Variants in SMG6 observed in about 807,000 individuals in gnomAD.
SMG6 encodes the protein telomerase-binding protein EST1A.
A neutral mutation model predicts 142.2 loss-of-function variants in SMG6; 66 were observed. That is an observed-to-expected ratio of 0.46 (90% CI 0.38 to 0.57). The LOEUF (loss-of-function observed/expected upper bound fraction) is 0.57, where lower values mean the gene tolerates loss of function less well. Ranked by LOEUF, SMG6 falls within the 20% of genes least tolerant of loss-of-function variation. The probability of loss-of-function intolerance (pLI) is 0.00; values close to 1 mark genes in which losing one functional copy is unlikely to be tolerated. For synonymous variants in SMG6, 779 were observed against 702.4 expected (o/e 1.11, Z -1.72); for missense variants, 1,793 against 1,832.0 (o/e 0.98, Z 0.39).
chr17:2,116,083 ATTTT>A (rs34538925), intron 13 of SMG6, among the ~76,000 whole-genome samples: 1 of 151,996 alleles, frequency 6.6e-6, no homozygotes, highest in Non-Finnish European at 1.5e-5. Context: ...TCATTTATTT[ATTTT>A]TGAGACAGGA....
chr17:2,093,579 G>T (rs2068781095), intron 13 of SMG6, among the ~76,000 whole-genome samples: 1 of 152,124 alleles, frequency 6.6e-6, no homozygotes, highest in Admixed American at 6.5e-5. Context: ...TGGCTGAGCT[G>T]TTTGGAAGCC....
intron 13 of SMG6, among the ~76,000 whole-genome samples, chr17:2,140,366 AT>A: frequency 6.6e-6 from 1 of 152,250 alleles, no homozygotes; most frequent in East Asian, 1.9e-4. Flanking sequence ...CTGACACTTT[AT>A]TTTTTTAAAT....
chr17:2,260,233 A>C (rs1377703849), intron 8 of SMG6, among the ~76,000 whole-genome samples: 1 of 152,240 alleles, frequency 6.6e-6, no homozygotes, highest in Admixed American at 6.5e-5. Context: ...ACTAAAAACA[A>C]GGCTAGAAAC....
intron 11 of SMG6, 89 bp from the exon 12 acceptor site, chr17:2,186,920 G>A: frequency 1.4e-6 from 2 of 1,423,998 alleles, no homozygotes; most frequent in Non-Finnish European, 1.9e-6. Flanking sequence ...AAGCTCTTAG[G>A]GAAGGGAGAC....
intron 13 of SMG6, among the ~76,000 whole-genome samples, chr17:2,171,834 G>C (rs1013976726): frequency 1.3e-5 from 2 of 151,622 alleles, no homozygotes; most frequent in African/African-American, 2.4e-5. Flanking sequence ...CTCCCCAAAG[G>C]CCTGTCCCCA....
chr17:2,124,682 G>A (rs1036249692), intron 13 of SMG6, among the ~76,000 whole-genome samples: 2 of 152,174 alleles, frequency 1.3e-5, no homozygotes, highest in Non-Finnish European at 2.9e-5. Flanking sequence ...GAGAGAAGCT[G>A]GGGAAGGGGC....
At chr17:2,134,630 TTATA>T (rs2151556105) in intron 13 of SMG6, among the ~76,000 whole-genome samples, 1 of 152,126 alleles carries the variant, frequency 6.6e-6, no homozygotes, top group Non-Finnish European at 1.5e-5. Flanking sequence ...AGGAGGCTGT[TTATA>T]AGAGTAGACA....
Position 2,065,673 on chromosome 17 carries a change from T to A in SMG6, c.3842A>T (p.Asn1281Ile). The A allele has an allele frequency of 6.2e-7, 1 of 1,612,250 alleles. No individual in the cohort carries two copies. Residue 1281 changes from asparagine (N) to isoleucine (I), a missense_variant, in exon 17 of 19, where the codon AAT becomes ATT. Coordinates refer to ENST00000263073, the MANE Select transcript of SMG6 (RefSeq NM_017575.5). ...YILVVPLIVI[N>I]ELDGLAKGQE... ...CCCCTTGGCCAGGCCGTCCAGCTCA[T>A]TGATCACTGATGAGATAGAGCCCCA...
chr17:2,148,561 C>T (rs1024009316), intron 13 of SMG6, among the ~76,000 whole-genome samples: 1 of 152,130 alleles, frequency 6.6e-6, no homozygotes, highest in Non-Finnish European at 1.5e-5. Flanking sequence ...ACAGAGTAGT[C>T]AAATTTATAG....
chr17:2,232,529 G>T (rs573199894), intron 10 of SMG6, among the ~76,000 whole-genome samples: 3 of 152,254 alleles, frequency 2.0e-5, no homozygotes, highest in Non-Finnish European at 4.4e-5. Flanking sequence ...CTCAGCAAAT[G>T]CTTACTGAAT....
intron 13 of SMG6, among the ~76,000 whole-genome samples, chr17:2,163,853 AG>A (rs1317908530): frequency 6.6e-6 from 1 of 152,174 alleles, no homozygotes; most frequent in African/African-American, 2.4e-5. Flanking sequence ...ACTTGAGGTC[AG>A]GAGTTCGCGA....
intron 9 of SMG6, among the ~76,000 whole-genome samples, chr17:2,243,032 T>TGGTGGC (rs2073847660): frequency 6.6e-6 from 1 of 152,084 alleles, no homozygotes; most frequent in African/African-American, 2.4e-5. Flanking sequence ...GAACTTAAAC[T>TGGTGGC]GGTGGCAGTG....
At chr17:2,261,374 A>G (rs2074310523) in intron 8 of SMG6, among the ~76,000 whole-genome samples, 1 of 152,150 alleles carries the variant, frequency 6.6e-6, no homozygotes, top group African/African-American at 2.4e-5. Flanking sequence ...TGCTGGTTAT[A>G]CAAGTATGCT....
intron 10 of SMG6, among the ~76,000 whole-genome samples, chr17:2,215,321 G>C (rs2072983838): frequency 6.6e-6 from 1 of 152,140 alleles, no homozygotes; most frequent in Admixed American, 6.5e-5. Flanking sequence ...AGTCCCGGCT[G>C]ATACATCATG....
intron 7 of SMG6, 35 bp downstream of exon 7, chr17:2,283,590 C>T (rs756709124): frequency 5.8e-5 from 88 of 1,526,472 alleles, no homozygotes; most frequent in Non-Finnish European, 7.3e-5. Flanking sequence ...ATGCACTATT[C>T]GAGGAAGGAA....
intron 6 of SMG6, among the ~76,000 whole-genome samples, chr17:2,288,650 G>A (rs1328615384): frequency 6.7e-6 from 1 of 149,364 alleles, no homozygotes; most frequent in East Asian, 2.0e-4. Context: ...GGTAAGATAG[G>A]CAGGGCTGGT....
At chr17:2,257,759 T>A (rs1214822534) in intron 8 of SMG6, among the ~76,000 whole-genome samples, 1 of 151,886 alleles carries the variant, frequency 6.6e-6, no homozygotes, top group Non-Finnish European at 1.5e-5. Flanking sequence ...TGGCTCATGC[T>A]TGTAATCCCA....
At chr17:2,086,995 T>C in intron 13 of SMG6, 12 of 1,288,182 alleles carry the variant, frequency 9.3e-6, no homozygotes, top group Non-Finnish European at 1.2e-5. Flanking sequence ...GCCTCTCTTT[T>C]AATGCATCCT....
chr17:2,147,033 AAAAG>A (rs2070689367), intron 13 of SMG6, among the ~76,000 whole-genome samples: 1 of 152,208 alleles, frequency 6.6e-6, no homozygotes, highest in Non-Finnish European at 1.5e-5. Flanking sequence ...TTTTGCTTCA[AAAAG>A]AAAGAAAATC....
Sources: gnomAD v4.1 joint callset for allele counts (sites outside exome capture counted in the v4.1 genomes callset) on GRCh38, gnomAD v4.1.1 for gene constraint, MANE v1.5 for transcripts, NCBI Gene and HGNC (gene_info 2026-07-23, HGNC 2026-07-21) for gene names.